PRR16: variants seen among roughly 807,000 people sequenced by gnomAD.
The protein encoded by PRR16 is protein Largen.
PRR16 carries 6 observed loss-of-function variants against 18.2 expected under a neutral mutation model. That is an observed-to-expected ratio of 0.33 (90% CI 0.18 to 0.65). The LOEUF is 0.65. PRR16 is among the 30% of genes least tolerant of loss of function. The pLI is 0.74. For synonymous variants in PRR16, 151 were observed against 147.8 expected (o/e 1.02, Z -0.16); for missense variants, 412 against 376.6 (o/e 1.09, Z -0.78).
intron 1 of PRR16, among the ~76,000 whole-genome samples, chr5:120,471,813 A>C (rs1350642594): frequency 6.6e-6 from 1 of 152,162 alleles, no homozygotes; most frequent in Non-Finnish European, 1.5e-5. Context: ...CAAGAACCAG[A>C]AAGTAGCATT....
intron 1 of PRR16, among the ~76,000 whole-genome samples, chr5:120,546,009 A>T (rs1229581764): frequency 1.3e-5 from 2 of 152,092 alleles, no homozygotes; most frequent in Admixed American, 6.6e-5. Context: ...GCATTTGTTG[A>T]GTTCTCACGA....
chr5:120,497,510 C>T (rs1003163322), intron 1 of PRR16, among the ~76,000 whole-genome samples: 1 of 151,000 alleles, frequency 6.6e-6, no homozygotes, highest in Non-Finnish European at 1.5e-5. Context: ...CTGCCTCAGC[C>T]TCCCAAGTAG....
chr5:120,690,849 A>C (rs192708500), downstream of PRR16, among the ~76,000 whole-genome samples: 2 of 152,266 alleles, frequency 1.3e-5, no homozygotes, highest in East Asian at 3.9e-4. Context: ...ACTTGGATTT[A>C]TCATTCTGAT....
intron 1 of PRR16, among the ~76,000 whole-genome samples, chr5:120,619,598 C>T (rs181558316): frequency 6.6e-6 from 1 of 152,054 alleles, no homozygotes; most frequent in East Asian, 1.9e-4. Flanking sequence ...ATGAAAATTA[C>T]ATACCCAAAT....
intron 1 of PRR16, among the ~76,000 whole-genome samples, chr5:120,647,343 C>T (rs1755634283): frequency 6.6e-6 from 1 of 151,358 alleles, no homozygotes; most frequent in Non-Finnish European, 1.5e-5. Flanking sequence ...CAACAGATAA[C>T]AATTAAAATT....
At chr5:120,534,458 C>T (rs1034385744) in intron 1 of PRR16, among the ~76,000 whole-genome samples, 2 of 152,096 alleles carry the variant, frequency 1.3e-5, no homozygotes, top group Admixed American at 6.6e-5. Context: ...AGACTTAAGT[C>T]TAACAACTGT....
At chr5:120,698,103 C>A in the PRR16 span, among the ~76,000 whole-genome samples, 7 of 151,948 alleles carry the variant, frequency 4.6e-5, no homozygotes, top group African/African-American at 1.4e-4. Context: ...GCGGCGAAAA[C>A]TTTTTGGGGG....
the PRR16 span, among the ~76,000 whole-genome samples, chr5:120,776,881 G>A: frequency 1.3e-5 from 2 of 151,990 alleles, no homozygotes; most frequent in Admixed American, 6.6e-5. Context: ...GTTGATTAAA[G>A]GTTTATGCAG....
At chr5:120,586,558 C>A (rs1027216771) in intron 1 of PRR16, among the ~76,000 whole-genome samples, 16 of 151,806 alleles carry the variant, frequency 1.1e-4, no homozygotes, top group African/African-American at 3.4e-4. Flanking sequence ...TAATAATAAT[C>A]ATTATTATTA....
chr5:120,678,574 A>G (rs1385243000), intron 1 of PRR16, among the ~76,000 whole-genome samples: 2 of 152,156 alleles, frequency 1.3e-5, no homozygotes, highest in Non-Finnish European at 2.9e-5. Flanking sequence ...CATTAAGGCA[A>G]TTGTAGTAAT....
chr5:120,758,058 A>G, the PRR16 span, among the ~76,000 whole-genome samples: 16 of 152,112 alleles, frequency 1.1e-4, no homozygotes, highest in Middle Eastern at 3.4e-3. Flanking sequence ...ATGTTACTCT[A>G]TTATTCTTGT....
At chr5:120,728,515 A>G in the PRR16 span, among the ~76,000 whole-genome samples, 1 of 152,144 alleles carries the variant, frequency 6.6e-6, no homozygotes, top group Non-Finnish European at 1.5e-5. Context: ...TGTCCAGATC[A>G]TACTAAATTC....
chr5:120,564,218 G>A (rs76497320), intron 1 of PRR16, among the ~76,000 whole-genome samples: 163 of 152,222 alleles, frequency 1.1e-3, no homozygotes, highest in Admixed American at 4.4e-3. Flanking sequence ...TTCGGTTGGG[G>A]GAGGGGTGGT....
chr5:120,661,710 T>C (rs1436430441), intron 1 of PRR16, among the ~76,000 whole-genome samples: 1 of 152,026 alleles, frequency 6.6e-6, no homozygotes, highest in Non-Finnish European at 1.5e-5. Context: ...CTCTGCCAGC[T>C]GCTATATGGG....
At chr5:120,753,945 T>A in the PRR16 span, among the ~76,000 whole-genome samples, 39 of 122,934 alleles carry the variant, frequency 3.2e-4, 1 homozygote, top group South Asian at 6.0e-3. Context: ...ATATAATATA[T>A]GTTATATATT....
intron 1 of PRR16, among the ~76,000 whole-genome samples, chr5:120,529,155 G>T (rs1751464661): frequency 6.6e-6 from 1 of 152,004 alleles, no homozygotes; most frequent in Non-Finnish European, 1.5e-5. Context: ...CACTATATTT[G>T]CTTTTCTCTT....
chr5:120,509,136 A>T (rs1267791763), intron 1 of PRR16, among the ~76,000 whole-genome samples: 2 of 152,250 alleles, frequency 1.3e-5, no homozygotes, highest in Middle Eastern at 3.4e-3. Context: ...GGCAAAATGT[A>T]GTAGCACAGT....
At chr5:120,613,699 A>G (rs1418821538) in intron 1 of PRR16, among the ~76,000 whole-genome samples, 3 of 152,176 alleles carry the variant, frequency 2.0e-5, no homozygotes, top group Non-Finnish European at 4.4e-5. Context: ...TACTTTTAAA[A>G]TACTTTTCCT....
At chr5:120,471,568 A>G (rs1486141831) in intron 1 of PRR16, among the ~76,000 whole-genome samples, 1 of 152,140 alleles carries the variant, frequency 6.6e-6, no homozygotes, top group Non-Finnish European at 1.5e-5. Context: ...TGTATATATT[A>G]TAATTCGATT....
Sources: allele counts gnomAD v4.1 joint callset (sites outside exome capture counted in the v4.1 genomes callset), GRCh38; gene constraint gnomAD v4.1.1; transcripts MANE v1.5; gene names NCBI Gene and HGNC (gene_info 2026-07-23, HGNC 2026-07-21).